ADCY7: variants seen among roughly 807,000 people sequenced by gnomAD.
ADCY7 encodes the protein adenylate cyclase 7.
In ADCY7, 72 loss-of-function variants were observed where a neutral mutation model predicts 120.6. That is an observed-to-expected ratio of 0.60 (90% CI 0.49 to 0.73). The LOEUF (loss-of-function observed/expected upper bound fraction) is 0.73. ADCY7 is among the 30% of genes least tolerant of loss of function. The pLI is 0.00. For synonymous variants in ADCY7, 661 were observed against 628.0 expected (o/e 1.05, Z -0.78); for missense variants, 1,227 against 1,486.0 (o/e 0.83, Z 2.87).
At chr16:50,309,462 A>G in intron 17 of ADCY7, 86 bp from the exon 18 acceptor site, 6 of 1,109,034 alleles carry the variant, frequency 5.4e-6, no homozygotes, top group South Asian at 4.1e-5. Flanking sequence ...TGTGATACTC[A>G]TGGTTGCCTG....
Position 50,307,162 on chromosome 16 carries a change from G to A in ADCY7, c.1850+15G>A, listed in dbSNP as rs1281003644. The A allele has an allele frequency of 5.0e-6, 8 of 1,607,088 alleles. No individual in the cohort carries two copies. Among genetic ancestry groups the A allele is most frequent in the South Asian group, 4.4e-5 (4 of 90,856 alleles). ...CTCATGCCCAGGTCAGTTGCAGGGA[G>A]GGGTGTGGGGGTCCGGCCTGCTGGG... On this transcript the variant is annotated intron_variant, in intron 15 of 25. Transcript: ENST00000673801.
intron 24 of ADCY7, 137 bp downstream of exon 24, chr16:50,314,543 G>A: frequency 1.6e-6 from 1 of 632,370 alleles, no homozygotes; most frequent in South Asian, 1.9e-5. Flanking sequence ...CTCAGCAGTT[G>A]GACAATTATT....
chr16:50,278,356 C>T (rs1239477035), intron 1 of ADCY7, among the ~76,000 whole-genome samples: 1 of 152,162 alleles, frequency 6.6e-6, no homozygotes, highest in Non-Finnish European at 1.5e-5. Flanking sequence ...AAATGTTTAA[C>T]AGTCATTTAG....
chr16:50,246,430 TTA>T (rs2032589412), intron 1 of ADCY7, among the ~76,000 whole-genome samples: 1 of 152,056 alleles, frequency 6.6e-6, no homozygotes, highest in Non-Finnish European at 1.5e-5. Context: ...ACCTCCTCCC[TTA>T]GGCACGGCCA....
At chr16:50,292,630 G>T (rs1160432365) in intron 4 of ADCY7, 46 bp from the exon 5 acceptor site, 1 of 1,602,694 alleles carries the variant, frequency 6.2e-7, no homozygotes, top group Non-Finnish European at 8.5e-7. Context: ...CCTCGGGAGG[G>T]CATGGGCCAG....
At position 50,266,624 on chromosome 16, in the gene ADCY7, G is replaced by T. The variant is rs2150814553; in HGVS notation, c.-325G>T. ...CGCGTCTGAGGAAGGGCAGGCGGGG[G>T]CCGGGCCACCTCCCTGCAGACCCTG... is the stretch of plus-strand genomic sequence containing the variant. On this transcript the variant is annotated 5_prime_UTR_variant, in exon 1 of 26. Coordinates refer to ENST00000673801, the MANE Select transcript of ADCY7 (RefSeq NM_001114.5). The T allele has an allele frequency of 6.5e-6, 1 of 153,958 alleles. No homozygotes were observed. Among genetic ancestry groups the T allele is most frequent in the African/African-American group, 2.4e-5 (1 of 41,606 alleles). 9.5% of individuals were successfully genotyped at this position (153,958 alleles called of 1,614,324 possible).
chr16:50,287,505 G>A (rs1204193381), intron 1 of ADCY7, among the ~76,000 whole-genome samples: 2 of 151,816 alleles, frequency 1.3e-5, no homozygotes, highest in Non-Finnish European at 2.9e-5. Context: ...CTGGGCAGCA[G>A]GGGGAGACGC....
At chr16:50,294,281 C>G (rs1019509431) in intron 6 of ADCY7, among the ~76,000 whole-genome samples, 2 of 152,162 alleles carry the variant, frequency 1.3e-5, no homozygotes, top group African/African-American at 4.8e-5. Context: ...GGAGCTGCCT[C>G]TCACCAGGGA....
Position 50,291,829 on chromosome 16 carries a change from T to A in ADCY7, c.469T>A (p.Ser157Thr), listed in dbSNP as rs1459305558. The A allele has an allele frequency of 6.2e-7, 1 of 1,614,044 alleles. No individual in the cohort carries two copies. The highest frequency in any genetic ancestry group is 1.7e-5 in the Admixed American group (1 of 60,008). ...CGCCGTTGGGGCCGTCTCCACTGCC[T>A]CCCACCTCCTGGTGCTCGGTTCTTT... is the stretch of plus-strand genomic sequence containing the variant. ...AVAVGAVSTA[S>T]HLLVLGSLMG... The change falls in exon 4 of 26, where the codon TCC becomes ACC. Residue 157 changes from serine (S) to threonine (T), a missense_variant. Ser to Thr is a moderately conservative substitution (Grantham distance 58). Around this residue, in one of 5 missense-constraint regions of ADCY7, gnomAD observed 382 missense variants for 411.4 expected, o/e 0.93. Coordinates refer to ENST00000673801, the MANE Select transcript of ADCY7 (RefSeq NM_001114.5).
intron 1 of ADCY7, among the ~76,000 whole-genome samples, chr16:50,275,977 T>G (rs774415697): frequency 1.1e-4 from 16 of 152,212 alleles, no homozygotes; most frequent in Non-Finnish European, 1.8e-4. Context: ...TTGGCCCAGT[T>G]TGTCTCCCGG....
chr16:50,300,722 C>T lies in ADCY7; in HGVS notation c.1084C>T (p.Arg362Trp), dbSNP rs568431873. ...LDMCQAIKQVREATGVDINMR... is the reference protein window; with the variant it reads ...LDMCQAIKQVWEATGVDINMR... ...TGGGCCACTCTGCCCCAGGCAGGTG[C>T]GGGAGGCCACGGGCGTGGACATCAA... Residue 362 changes from arginine (R) to tryptophan (W), a missense_variant, in exon 9 of 26, where the codon CGG becomes TGG. This residue lies in a region of ADCY7 where 332 missense variants were observed against 455.8 expected (regional missense o/e 0.73). Transcript: ENST00000673801. 10 of 1,551,550 alleles carry T rather than the reference C, an allele frequency of 6.4e-6. No homozygotes were observed. The East Asian group carries it at 7.3e-5, about 11-fold the overall frequency.
Position 50,314,664 on chromosome 16 carries a change from TATAG to T in ADCY7, c.2971+260_2971+263del, listed in dbSNP as rs2036694620. The T allele has an allele frequency of 2.8e-5, 14 of 493,122 alleles. No homozygotes were observed. The South Asian group carries it at 4.3e-4, about 15-fold the overall frequency. The allele number at this position is 493,122 out of a possible 1,614,324, so 30.5% of individuals were successfully genotyped here. A position where few individuals can be genotyped will look rare whatever the true frequency, so the allele number is the denominator to read the frequency against. ...TGTCTGTAAACAGGTGACCTTAAAA[TATAG>T]AGAAGGAAGCAAAGTTACTAAACCT... On this transcript the variant is annotated intron_variant, in intron 24 of 25. Transcript: ENST00000673801.
chr16:50,296,992 G>T (rs988275171), intron 7 of ADCY7, among the ~76,000 whole-genome samples: 1 of 152,226 alleles, frequency 6.6e-6, no homozygotes, highest in Non-Finnish European at 1.5e-5. Flanking sequence ...TGTGAGGCAG[G>T]GGCCCTGGGC....
intron 4 of ADCY7, among the ~76,000 whole-genome samples, chr16:50,292,422 C>T (rs181981657): frequency 6.6e-6 from 1 of 152,226 alleles, no homozygotes; most frequent in Admixed American, 6.5e-5. Flanking sequence ...GCATGCCCCT[C>T]GGGCCCTGGG....
At chr16:50,279,884 C>G (rs183403604) in intron 1 of ADCY7, among the ~76,000 whole-genome samples, 4 of 152,112 alleles carry the variant, frequency 2.6e-5, no homozygotes, top group Non-Finnish European at 4.4e-5. Context: ...ATTTCAGGAA[C>G]AAAGAACACT....
chr16:50,304,386 A>G lies in ADCY7; in HGVS notation c.1395A>G (p.Gln465=). ...GCCAGCAGCCACCCCCGCCCAGCCAACACCTCCCCAGGCCCAAGGGGGACG... is the reference window on the plus strand; with the variant it reads ...GCCAGCAGCCACCCCCGCCCAGCCAGCACCTCCCCAGGCCCAAGGGGGACG... ...PRSQQPPPPS[Q]HLPRPKGDAA... is the part of the protein sequence containing the mutation. The change falls in exon 11 of 26, where the codon CAA becomes CAG. Residue 465 remains glutamine (Q), a synonymous_variant. Coordinates refer to ENST00000673801, the MANE Select transcript of ADCY7 (RefSeq NM_001114.5). The G allele has an allele frequency of 6.4e-7, 1 of 1,553,488 alleles. No individual in the cohort carries two copies. The highest frequency in any genetic ancestry group is 1.2e-5 in the South Asian group (1 of 83,566).
Position 50,314,302 on chromosome 16 carries a change from G to A in ADCY7, c.2867G>A (p.Arg956Gln), listed in dbSNP as rs758685498. The stretch of plus-strand genomic sequence containing the variant: ...CAGCCTGTCCCGCAGGAGCTGGAGC[G>A]GCAGCATGCCCACATTGGTGTCATG... ...ASGHENQELERQHAHIGVMVE... is the reference protein window; with the variant it reads ...ASGHENQELEQQHAHIGVMVE... Residue 956 changes from arginine (R) to glutamine (Q), a missense_variant, in exon 24 of 26, where the codon CGG (arginine) becomes CAG (glutamine). Arg to Gln is a conservative substitution (Grantham distance 43). Coordinates refer to ENST00000673801, the MANE Select transcript of ADCY7 (RefSeq NM_001114.5). The A allele has an allele frequency of 3.1e-5, 50 of 1,613,986 alleles. No individual in the cohort carries two copies. The highest frequency in any genetic ancestry group is 3.9e-5 in the Non-Finnish European group (46 of 1,180,002).
chr16:50,307,163 G>T lies in ADCY7; in HGVS notation c.1850+16G>T. On this transcript the variant is annotated intron_variant, in intron 15 of 25. Transcript: ENST00000673801. Reference sequence around the variant, plus strand: ...TCATGCCCAGGTCAGTTGCAGGGAGGGGTGTGGGGGTCCGGCCTGCTGGGA... The same window carrying T: ...TCATGCCCAGGTCAGTTGCAGGGAGTGGTGTGGGGGTCCGGCCTGCTGGGA... 6.2e-7 allele frequency: 1 copy of T among 1,607,372 alleles called. No individual in the cohort carries two copies.
chr16:50,259,507 C>T (rs1283183749), intron 1 of ADCY7, among the ~76,000 whole-genome samples: 2 of 152,230 alleles, frequency 1.3e-5, no homozygotes, highest in Non-Finnish European at 2.9e-5. Context: ...ACTCAACACA[C>T]CATGACCCCA....
Sources: allele counts gnomAD v4.1 joint callset (sites outside exome capture counted in the v4.1 genomes callset), GRCh38; gene constraint gnomAD v4.1.1; regional missense constraint gnomAD v4.1.1; transcripts MANE v1.5; gene names NCBI Gene and HGNC (gene_info 2026-07-23, HGNC 2026-07-21).